MACROD2: variants seen among roughly 807,000 people sequenced by gnomAD.
MACROD2 encodes mono-ADP ribosylhydrolase 2, also known as ADP-ribose glycohydrolase MACROD2.
MACROD2 carries 36 observed loss-of-function variants against 70.4 expected under a neutral mutation model. The ratio of observed to expected loss-of-function variants is 0.51; its 90% CI spans 0.39 to 0.68. MACROD2 has a LOEUF of 0.68. MACROD2 is among the 30% of genes least tolerant of loss of function. MACROD2 has a pLI of 0.00. For missense variants in MACROD2, 496 were observed against 538.4 expected (o/e 0.92, Z 0.78); for synonymous variants, 172 against 178.8 (o/e 0.96, Z 0.30).
intron 4 of MACROD2, among the ~76,000 whole-genome samples, chr20:14,631,680 C>T (rs956179600): frequency 1.3e-5 from 2 of 152,284 alleles, no homozygotes; most frequent in Admixed American, 1.3e-4. Flanking sequence ...GAGGCTGAGG[C>T]AGGAGAATGG....
chr20:16,044,853 AT>A (rs2067358825), intron 17 of MACROD2, among the ~76,000 whole-genome samples: 1 of 152,162 alleles, frequency 6.6e-6, no homozygotes, highest in Admixed American at 6.6e-5. Flanking sequence ...GCTACAGCAC[AT>A]TCAAATCATG....
chr20:14,849,762 C>G (rs1288538672), intron 5 of MACROD2: 4 of 251,630 alleles, frequency 1.6e-5, no homozygotes, highest in Non-Finnish European at 2.4e-5. Context: ...ACCTGGGTGG[C>G]AGGGCAAGAC....
chr20:15,191,121 G>A (rs1306274996), intron 5 of MACROD2, among the ~76,000 whole-genome samples: 1 of 152,202 alleles, frequency 6.6e-6, no homozygotes. Flanking sequence ...AAATGAAGAA[G>A]TGGGGAGAGT....
At chr20:14,877,678 G>A (rs1409249142) in intron 5 of MACROD2, among the ~76,000 whole-genome samples, 1 of 151,730 alleles carries the variant, frequency 6.6e-6, no homozygotes. Context: ...TTGTTTTATC[G>A]TGAAGGGATG....
Position 15,334,278 on chromosome 20 carries a change from T to G in MACROD2, c.541-97127T>G, listed in dbSNP as rs1036536266. Among the ~76,000 whole-genome samples the G allele has an allele frequency of 5.3e-5, 8 of 151,034 alleles. 1 individual carries two copies. The highest frequency in any genetic ancestry group is 2.0e-4 in the African/African-American group (8 of 40,568). On this transcript the variant is annotated intron_variant, in intron 6 of 17. Transcript: ENST00000684519. ...AAGATTTCTGTAATAACTTTCTAAGTTCTTTTTTTCCTCTATCATAGAGTT... is the reference window on the plus strand; with the variant it reads ...AAGATTTCTGTAATAACTTTCTAAGGTCTTTTTTTCCTCTATCATAGAGTT...
At chr20:14,878,794 A>C (rs6042959) in intron 5 of MACROD2, among the ~76,000 whole-genome samples, 138,107 of 152,142 alleles carry the variant, frequency 0.91, 62,865 homozygotes, top group East Asian at 1. Flanking sequence ...TAAACTCAAC[A>C]TGCCCTTCCA....
intron 5 of MACROD2, among the ~76,000 whole-genome samples, chr20:15,106,610 C>CT (rs2123208656): frequency 6.6e-6 from 1 of 152,310 alleles, no homozygotes; most frequent in East Asian, 1.9e-4. Context: ...CCACTTCTCC[C>CT]TTAAGATCCT....
At chr20:15,369,366 C>T (rs2045458299) in intron 6 of MACROD2, among the ~76,000 whole-genome samples, 1 of 152,162 alleles carries the variant, frequency 6.6e-6, no homozygotes. Context: ...TGACAGCAGA[C>T]TTCTGACAGC....
intron 3 of MACROD2, among the ~76,000 whole-genome samples, chr20:14,095,271 T>G (rs936126096): frequency 2.0e-5 from 3 of 151,940 alleles, no homozygotes; most frequent in East Asian, 3.9e-4. Flanking sequence ...AAAAAAAAAT[T>G]GTGGGAAACT....
intron 8 of MACROD2, among the ~76,000 whole-genome samples, chr20:15,713,741 A>G (rs1469365099): frequency 6.6e-6 from 1 of 152,156 alleles, no homozygotes; most frequent in Non-Finnish European, 1.5e-5. Flanking sequence ...ACACAGAGCC[A>G]CAACATATCA....
chr20:14,537,876 G>T (rs2085385768), intron 4 of MACROD2, among the ~76,000 whole-genome samples: 1 of 152,124 alleles, frequency 6.6e-6, no homozygotes, highest in Non-Finnish European at 1.5e-5. Context: ...ACAGATGGCA[G>T]GAAGGAAACA....
chr20:15,875,369 G>A (rs1371301883), intron 9 of MACROD2, among the ~76,000 whole-genome samples: 1 of 152,054 alleles, frequency 6.6e-6, no homozygotes, highest in Non-Finnish European at 1.5e-5. Context: ...AAAGAATTCA[G>A]TATTTTCTTT....
At chr20:14,555,085 T>A (rs892793423) in intron 4 of MACROD2, among the ~76,000 whole-genome samples, 4 of 151,868 alleles carry the variant, frequency 2.6e-5, no homozygotes, top group Admixed American at 6.6e-5. Context: ...AATGACTTAA[T>A]TGTATATTTT....
At chr20:14,050,923 G>A (rs182889166) in intron 2 of MACROD2, among the ~76,000 whole-genome samples, 1 of 152,190 alleles carries the variant, frequency 6.6e-6, no homozygotes, top group African/African-American at 2.4e-5. Flanking sequence ...CACGGAACCA[G>A]GTCTTCAGAG....
chr20:15,379,399 C>A (rs965467098), intron 6 of MACROD2, among the ~76,000 whole-genome samples: 11 of 152,168 alleles, frequency 7.2e-5, no homozygotes, highest in African/African-American at 2.4e-4. Flanking sequence ...TTGCCACTCT[C>A]AACTTGTCAT....
chr20:14,118,937 C>T (rs2054546308), intron 3 of MACROD2, among the ~76,000 whole-genome samples: 2 of 151,098 alleles, frequency 1.3e-5, no homozygotes, highest in Admixed American at 6.6e-5. Flanking sequence ...CCTCTGCCTC[C>T]CAGGTTCAAG....
chr20:14,146,532 G>A (rs1294605877), intron 3 of MACROD2, among the ~76,000 whole-genome samples: 3 of 152,124 alleles, frequency 2.0e-5, no homozygotes, highest in Non-Finnish European at 4.4e-5. Flanking sequence ...GGGAGGGAGA[G>A]AGGGACAAGA....
intron 2 of MACROD2, among the ~76,000 whole-genome samples, chr20:14,055,955 G>A (rs1162593481): frequency 6.6e-6 from 1 of 152,052 alleles, no homozygotes; most frequent in African/African-American, 2.4e-5. Context: ...ATTAATGGAT[G>A]CCAGTTTTTA....
chr20:15,110,996 GAAGT>G lies in MACROD2; in HGVS notation c.419-118940_419-118937del, dbSNP rs1330327904. Among the ~76,000 whole-genome samples the G allele has an allele frequency of 3.9e-5, 6 of 152,076 alleles. No individual in the cohort carries two copies. In the East Asian group the frequency reaches 9.6e-4, roughly 24 times the overall value. Reference sequence around the variant, plus strand: ...TATTTAATCCTCACAATTATTCTGTGAAGTAAGAGTCATTTTACCCATTTTTGAG... The same window carrying G: ...TATTTAATCCTCACAATTATTCTGTGAAGAGTCATTTTACCCATTTTTGAG... On this transcript the variant is annotated intron_variant, in intron 5 of 17. Transcript: ENST00000684519.
Sources: allele counts gnomAD v4.1 joint callset (sites outside exome capture counted in the v4.1 genomes callset), GRCh38; gene constraint gnomAD v4.1.1; transcripts MANE v1.5; gene names NCBI Gene and HGNC (gene_info 2026-07-23, HGNC 2026-07-21).